Variants in MMS22L observed in about 807,000 individuals in gnomAD.
The protein encoded by MMS22L is protein MMS22-like.
In MMS22L, 74 loss-of-function variants were observed where a neutral mutation model predicts 159.1. The ratio of observed to expected loss-of-function variants is 0.47; its 90% CI spans 0.39 to 0.56. The LOEUF (loss-of-function observed/expected upper bound fraction) is 0.56. Ranked by LOEUF, MMS22L falls within the 20% of genes least tolerant of loss-of-function variation. The pLI, the probability that MMS22L is intolerant of heterozygous loss-of-function variation, is 0.00. For missense variants in MMS22L, 1,351 were observed against 1,422.1 expected (o/e 0.95, Z 0.80); for synonymous variants, 517 against 506.9 (o/e 1.02, Z -0.27).
Position 97,190,155 on chromosome 6 carries a change from A to C in MMS22L, c.2040-3465T>G, listed in dbSNP as rs138797471. On this transcript the variant is annotated intron_variant, in intron 14 of 24. Coordinates refer to ENST00000683635, the MANE Select transcript of MMS22L (RefSeq NM_001350599.2). ...GTACATTTACAAAAATGCAAAGAAGAAGCTCTGTCACTAGAGGTAACAATG... is the reference window on the plus strand; with the variant it reads ...GTACATTTACAAAAATGCAAAGAAGCAGCTCTGTCACTAGAGGTAACAATG... Among the ~76,000 whole-genome samples, 72 of 152,342 alleles carry C rather than the reference A, an allele frequency of 4.7e-4. No homozygotes were observed. The East Asian group carries it at 5.6e-3, about 12-fold the overall frequency.
At chr6:97,225,441 C>G (rs933271032) in intron 14 of MMS22L, among the ~76,000 whole-genome samples, 4 of 152,024 alleles carry the variant, frequency 2.6e-5, no homozygotes, top group African/African-American at 7.2e-5. Context: ...ACCACCACCT[C>G]CCGGGTTCAA....
At chr6:97,238,491 C>T (rs1448364143) in intron 11 of MMS22L, among the ~76,000 whole-genome samples, 2 of 151,764 alleles carry the variant, frequency 1.3e-5, no homozygotes, top group Non-Finnish European at 2.9e-5. Context: ...TCCACAAAGC[C>T]TTAAACCTGA....
intron 9 of MMS22L, among the ~76,000 whole-genome samples, chr6:97,257,301 T>C (rs769721461): frequency 6.6e-6 from 1 of 152,204 alleles, no homozygotes; most frequent in Admixed American, 6.5e-5. Flanking sequence ...TACTATACCA[T>C]TATGCAGCAA....
chr6:97,206,382 T>TACAC (rs58135635), intron 14 of MMS22L, among the ~76,000 whole-genome samples: 76,478 of 146,568 alleles, frequency 0.52, 21,586 homozygotes, highest in Middle Eastern at 0.68. Context: ...ACCTCGCATG[T>TACAC]ACACACACAC....
intron 16 of MMS22L, 117 bp downstream of exon 16, chr6:97,181,786 CA>C: frequency 9.8e-7 from 1 of 1,019,796 alleles, no homozygotes; most frequent in Non-Finnish European, 1.3e-6. Flanking sequence ...AAAAACCTGA[CA>C]AAGTGAGAGT....
intron 14 of MMS22L, among the ~76,000 whole-genome samples, chr6:97,205,673 A>G (rs1807706427): frequency 6.6e-6 from 1 of 152,228 alleles, no homozygotes; most frequent in Non-Finnish European, 1.5e-5. Context: ...TGAAAAAGCA[A>G]CAATGAAAAG....
Position 97,165,465 on chromosome 6 carries a change from G to GA in MMS22L, c.3010-9dup, listed in dbSNP as rs1197004461. The GA allele has an allele frequency of 6.2e-7, 1 of 1,603,682 alleles. No individual in the cohort carries two copies. Among genetic ancestry groups the GA allele is most frequent in the African/African-American group, 1.3e-5 (1 of 74,346 alleles). On this transcript the variant is annotated splice_polypyrimidine_tract_variant and intron_variant, in intron 20 of 24. Coordinates refer to ENST00000683635, the MANE Select transcript of MMS22L (RefSeq NM_001350599.2). ...ACACACGATACACATGCCCTACAAG[G>GA]AAAAAAAGTAAGAAATACTAAGAGG...
intron 24 of MMS22L, among the ~76,000 whole-genome samples, chr6:97,148,363 AAAAC>A (rs1801014165): frequency 6.6e-6 from 1 of 152,122 alleles, no homozygotes; most frequent in Non-Finnish European, 1.5e-5. Context: ...AGTTAACTGT[AAAAC>A]AGACTCAGGC....
At chr6:97,151,690 ATAAT>A (rs779722869) in intron 23 of MMS22L, 77 bp downstream of exon 23, 109 of 1,071,320 alleles carry the variant, frequency 1.0e-4, no homozygotes, top group Admixed American at 2.6e-4. Flanking sequence ...TATGTTTTGG[ATAAT>A]TAGTTATTTA....
At chr6:97,241,197 A>G (rs1812025708) in intron 11 of MMS22L, among the ~76,000 whole-genome samples, 1 of 152,180 alleles carries the variant, frequency 6.6e-6, no homozygotes. Flanking sequence ...AGTTTTCTCT[A>G]TTCACTCATT....
intron 20 of MMS22L, among the ~76,000 whole-genome samples, chr6:97,167,700 C>A (rs547577985): frequency 2.8e-4 from 43 of 152,064 alleles, no homozygotes; most frequent in African/African-American, 1.0e-3. Flanking sequence ...CATGTTGCTC[C>A]CTCTGAAATG....
chr6:97,158,617 G>A (rs963519406), intron 22 of MMS22L, among the ~76,000 whole-genome samples: 9 of 152,224 alleles, frequency 5.9e-5, no homozygotes, highest in African/African-American at 2.2e-4. Context: ...GTAGTTGTGC[G>A]GTTTTGAGTG....
At chr6:97,224,422 C>T (rs1809998218) in intron 14 of MMS22L, among the ~76,000 whole-genome samples, 1 of 151,836 alleles carries the variant, frequency 6.6e-6, no homozygotes, top group Admixed American at 6.6e-5. Flanking sequence ...ATTTAAGGAG[C>T]AAAAATTTGT....
At chr6:97,267,488 A>G (rs1582847251) in intron 8 of MMS22L, 1 of 152,644 alleles carries the variant, frequency 6.6e-6, no homozygotes, top group South Asian at 2.1e-4. Context: ...AGTAACTTTA[A>G]GTAAGCATTT....
intron 9 of MMS22L, chr6:97,261,448 C>T (rs1814473602): frequency 6.6e-6 from 1 of 152,204 alleles, no homozygotes; most frequent in Non-Finnish European, 1.5e-5. Flanking sequence ...TGACCTACTT[C>T]CACTTAATGA....
At chr6:97,182,828 A>G (rs1326482564) in intron 15 of MMS22L, among the ~76,000 whole-genome samples, 1 of 152,060 alleles carries the variant, frequency 6.6e-6, no homozygotes, top group Non-Finnish European at 1.5e-5. Context: ...TTTGAATTTC[A>G]TATCATCAGG....
intron 14 of MMS22L, among the ~76,000 whole-genome samples, chr6:97,211,415 G>T (rs1808360168): frequency 6.6e-6 from 1 of 152,046 alleles, no homozygotes; most frequent in African/African-American, 2.4e-5. Flanking sequence ...CACATTCTGT[G>T]TTATAGGCTT....
At chr6:97,226,625 A>G (rs1398121431) in intron 14 of MMS22L, among the ~76,000 whole-genome samples, 3 of 151,692 alleles carry the variant, frequency 2.0e-5, no homozygotes, top group Non-Finnish European at 4.4e-5. Flanking sequence ...CTATATACAC[A>G]TATGTGTATA....
At chr6:97,213,057 G>A (rs774196362) in intron 14 of MMS22L, among the ~76,000 whole-genome samples, 13 of 152,016 alleles carry the variant, frequency 8.6e-5, no homozygotes, top group Non-Finnish European at 1.5e-4. Flanking sequence ...GTGTGTGTGC[G>A]TGTGTGTGTG....
Sources: gnomAD v4.1 joint callset for allele counts (sites outside exome capture counted in the v4.1 genomes callset) on GRCh38, gnomAD v4.1.1 for gene constraint, MANE v1.5 for transcripts, NCBI Gene and HGNC (gene_info 2026-07-23, HGNC 2026-07-21) for gene names.